RGS7: variants seen among roughly 807,000 people sequenced by gnomAD.
RGS7 encodes the protein regulator of G-protein signaling 7.
RGS7 carries 27 observed loss-of-function variants against 81.1 expected under a neutral mutation model. The observed-to-expected ratio is 0.33, with a 90% CI of 0.25 to 0.46. The LOEUF (loss-of-function observed/expected upper bound fraction) is 0.46, where lower values mean the gene tolerates loss of function less well. RGS7 is among the 20% of genes least tolerant of loss of function. The pLI, the probability that RGS7 is intolerant of heterozygous loss-of-function variation, is 1.00. For synonymous variants in RGS7, 208 were observed against 207.7 expected (o/e 1.00, Z -0.01); for missense variants, 396 against 607.4 (o/e 0.65, Z 3.66).
intron 2 of RGS7, among the ~76,000 whole-genome samples, chr1:241,192,409 G>A (rs946649299): frequency 2.0e-5 from 3 of 151,902 alleles, no homozygotes; most frequent in African/African-American, 7.3e-5. Flanking sequence ...GGTCCCAAAG[G>A]CCCCAGCTCA....
intron 2 of RGS7, among the ~76,000 whole-genome samples, chr1:241,124,553 C>T (rs180732423): frequency 2.0e-4 from 31 of 152,296 alleles, no homozygotes; most frequent in Admixed American, 3.3e-4. Flanking sequence ...GGATGGCATT[C>T]AAAGGAAAAC....
chr1:240,917,285 T>C (rs554586455), intron 6 of RGS7, among the ~76,000 whole-genome samples: 2 of 152,292 alleles, frequency 1.3e-5, no homozygotes, highest in African/African-American at 4.8e-5. Flanking sequence ...GGGAGAATGA[T>C]ATAGGTTGAA....
intron 2 of RGS7, among the ~76,000 whole-genome samples, chr1:241,128,523 T>C (rs1465484132): frequency 6.6e-6 from 1 of 151,772 alleles, no homozygotes; most frequent in Non-Finnish European, 1.5e-5. Flanking sequence ...GGGCGGAGGT[T>C]ACAGTGAGCC....
intron 4 of RGS7, among the ~76,000 whole-genome samples, chr1:240,955,934 CAT>C (rs954118848): frequency 2.0e-4 from 7 of 35,718 alleles, no homozygotes; most frequent in African/African-American, 4.6e-4. Flanking sequence ...TAGAAGAAAA[CAT>C]AGGAGGGAAT....
At chr1:241,079,494 T>C (rs1209808933) in intron 3 of RGS7, among the ~76,000 whole-genome samples, 1 of 151,952 alleles carries the variant, frequency 6.6e-6, no homozygotes, top group African/African-American at 2.4e-5. Flanking sequence ...AAGGAATGAT[T>C]AATGCCAGCT....
chr1:240,943,425 C>T (rs1189982007), intron 4 of RGS7, among the ~76,000 whole-genome samples: 1 of 152,190 alleles, frequency 6.6e-6, no homozygotes, highest in African/African-American at 2.4e-5. Flanking sequence ...GCACTTAAAA[C>T]ACAGTCTACC....
intron 3 of RGS7, among the ~76,000 whole-genome samples, chr1:240,999,234 ATAT>A (rs145501494): frequency 0.046 from 6,920 of 151,338 alleles, 190 homozygotes; most frequent in Non-Finnish European, 0.052. Flanking sequence ...TGCTTAAAGC[ATAT>A]TATTATTATT....
At chr1:241,333,633 C>T (rs762440010) in intron 2 of RGS7, among the ~76,000 whole-genome samples, 14 of 152,116 alleles carry the variant, frequency 9.2e-5, no homozygotes, top group Admixed American at 3.9e-4. Context: ...GTCTTAGATA[C>T]GGCACTCTTT....
chr1:240,875,029 C>A (rs896044031), intron 6 of RGS7, among the ~76,000 whole-genome samples: 1 of 151,652 alleles, frequency 6.6e-6, no homozygotes, highest in African/African-American at 2.4e-5. Flanking sequence ...GTGACAAGAG[C>A]GAAACTCCAT....
At chr1:240,942,002 T>G (rs987073491) in intron 4 of RGS7, among the ~76,000 whole-genome samples, 2 of 151,986 alleles carry the variant, frequency 1.3e-5, no homozygotes, top group African/African-American at 4.8e-5. Context: ...TTCCAGCTTA[T>G]TTTTTTGTTT....
chr1:241,112,751 A>C (rs2065610596), intron 2 of RGS7, among the ~76,000 whole-genome samples: 1 of 152,244 alleles, frequency 6.6e-6, no homozygotes, highest in African/African-American at 2.4e-5. Flanking sequence ...GCAAAAGGAA[A>C]AGATTTCTAC....
At chr1:240,897,741 C>A (rs137984812) in intron 6 of RGS7, among the ~76,000 whole-genome samples, 4,214 of 152,182 alleles carry the variant, frequency 0.028, 204 homozygotes, top group African/African-American at 0.096. Flanking sequence ...GTCTAAAATT[C>A]TCTTTTTTTG....
chr1:241,182,921 G>A (rs959747285), intron 2 of RGS7, among the ~76,000 whole-genome samples: 3 of 151,240 alleles, frequency 2.0e-5, no homozygotes, highest in African/African-American at 7.3e-5. Flanking sequence ...TGATCCACCC[G>A]CCTCAGCCTC....
chr1:241,299,330 G>A (rs1247549024), intron 2 of RGS7, among the ~76,000 whole-genome samples: 1 of 151,744 alleles, frequency 6.6e-6, no homozygotes, highest in Non-Finnish European at 1.5e-5. Context: ...CATATCTTGT[G>A]TGCCTCCTAG....
intron 6 of RGS7, among the ~76,000 whole-genome samples, chr1:240,914,612 G>A (rs886385501): frequency 3.3e-5 from 5 of 152,138 alleles, no homozygotes; most frequent in African/African-American, 7.2e-5. Flanking sequence ...AAAAAAGAAC[G>A]AAAAGCAGAA....
In RGS7 at chr1:241,127,736, T is replaced by C. The variant is rs530233622; in HGVS notation, c.79-28974A>G. On this transcript the variant is annotated intron_variant, in intron 2 of 18. Coordinates refer to ENST00000440928, the MANE Select transcript of RGS7 (RefSeq NM_001364886.1). Reference sequence around the variant, plus strand: ...AAGAATAACTTTCCATTTTATCAATTGAAATTAATAGAAGTAAAAGTTTAA... The same window carrying C: ...AAGAATAACTTTCCATTTTATCAATCGAAATTAATAGAAGTAAAAGTTTAA... Among the ~76,000 whole-genome samples the C allele has an allele frequency of 2.6e-5, 4 of 152,240 alleles. No individual in the cohort carries two copies. In the South Asian group the frequency reaches 8.3e-4, roughly 32 times the overall value.
At chr1:240,806,594 A>T (rs534386065) in intron 14 of RGS7, among the ~76,000 whole-genome samples, 2 of 150,152 alleles carry the variant, frequency 1.3e-5, no homozygotes, top group Non-Finnish European at 3.0e-5. Flanking sequence ...AAATATAAAG[A>T]AACATGAAAA....
intron 4 of RGS7, among the ~76,000 whole-genome samples, chr1:240,955,551 C>CAAAAAAAAAAAAAAAAAAAAAAA (rs369155474): frequency 2.6e-4 from 36 of 140,304 alleles, no homozygotes; most frequent in East Asian, 6.2e-4. Flanking sequence ...GACTCTGTCT[C>CAAAAAAAAAAAAAAAAAAAAAAA]AAAAAAAAAA....
At chr1:240,799,283 A>G (rs1297368315) in intron 18 of RGS7, among the ~76,000 whole-genome samples, 3 of 118,456 alleles carry the variant, frequency 2.5e-5, no homozygotes, top group African/African-American at 4.2e-5. Flanking sequence ...GTGTGTGTCT[A>G]TGTTTGTGTG....
Sources: gnomAD v4.1 joint callset for allele counts (sites outside exome capture counted in the v4.1 genomes callset) on GRCh38, gnomAD v4.1.1 for gene constraint, MANE v1.5 for transcripts, NCBI Gene and HGNC (gene_info 2026-07-23, HGNC 2026-07-21) for gene names.